The following MFHAS1 variants were observed in gnomAD, a reference collection of about 807,000 sequenced individuals.
The protein encoded by MFHAS1 is malignant fibrous histiocytoma-amplified sequence 1.
In MFHAS1, 50 loss-of-function variants were observed where a neutral mutation model predicts 70.4. That is an observed-to-expected ratio of 0.71 (90% CI 0.57 to 0.90). The LOEUF is 0.90. MFHAS1 is among the 40% of genes least tolerant of loss of function. MFHAS1 has a pLI of 0.00. For synonymous variants in MFHAS1, 952 were observed against 620.0 expected (o/e 1.54, Z -7.96); for missense variants, 1,795 against 1,347.6 (o/e 1.33, Z -5.20).
intron 1 of MFHAS1, among the ~76,000 whole-genome samples, chr8:8,841,815 C>T (rs1253395422): frequency 1.3e-5 from 2 of 152,140 alleles, no homozygotes; most frequent in African/African-American, 4.8e-5. Context: ...TCTTCCTGTT[C>T]GTATCCCAGA....
At chr8:8,889,940 T>C in intron 1 of MFHAS1, 121 bp downstream of exon 1, 4 of 803,110 alleles carry the variant, frequency 5.0e-6, no homozygotes, top group Non-Finnish European at 5.9e-6. Context: ...GTGTTTCCCT[T>C]ACGAAGCTTT....
intron 1 of MFHAS1, among the ~76,000 whole-genome samples, chr8:8,824,312 C>T (rs1205200323): frequency 1.3e-5 from 2 of 152,028 alleles, no homozygotes; most frequent in South Asian, 2.1e-4. Context: ...TTAAGAAATA[C>T]AGGACTGCCT....
At chr8:8,839,742 A>C (rs1448021757) in intron 1 of MFHAS1, among the ~76,000 whole-genome samples, 1 of 152,232 alleles carries the variant, frequency 6.6e-6, no homozygotes, top group African/African-American at 2.4e-5. Flanking sequence ...TATATCAATG[A>C]AACACCATCA....
intron 1 of MFHAS1, among the ~76,000 whole-genome samples, chr8:8,827,905 TC>T (rs1017289075): frequency 1.3e-5 from 2 of 151,856 alleles, no homozygotes; most frequent in African/African-American, 4.9e-5. Context: ...CAATTTAATT[TC>T]TTTTTTTTTA....
intron 1 of MFHAS1, chr8:8,822,200 T>G (rs932402770): frequency 2.0e-5 from 3 of 152,350 alleles, no homozygotes; most frequent in African/African-American, 4.8e-5. Flanking sequence ...CCCTGGGGAT[T>G]TGAAATTGGG....
At chr8:8,850,564 G>A (rs1054870145) in intron 1 of MFHAS1, among the ~76,000 whole-genome samples, 6 of 152,030 alleles carry the variant, frequency 3.9e-5, no homozygotes, top group Non-Finnish European at 7.4e-5. Context: ...ACCCAGGGTC[G>A]GGTGCGGTAG....
chr8:8,790,166 C>T (rs1264219210), intron 2 of MFHAS1, among the ~76,000 whole-genome samples: 1 of 152,126 alleles, frequency 6.6e-6, no homozygotes, highest in Non-Finnish European at 1.5e-5. Context: ...TCCTAATTCC[C>T]ATATGCAACT....
At chr8:8,864,712 T>A (rs1285316526) in intron 1 of MFHAS1, among the ~76,000 whole-genome samples, 1 of 152,198 alleles carries the variant, frequency 6.6e-6, no homozygotes, top group African/African-American at 2.4e-5. Flanking sequence ...TCCAGTTGCA[T>A]GCCAGGATAA....
intron 1 of MFHAS1, among the ~76,000 whole-genome samples, chr8:8,880,403 G>A (rs1809472983): frequency 6.6e-6 from 1 of 152,086 alleles, no homozygotes; most frequent in South Asian, 2.1e-4. Flanking sequence ...TTCATATTAT[G>A]TGACTTTCAC....
intron 1 of MFHAS1, among the ~76,000 whole-genome samples, chr8:8,885,090 G>T (rs1391980528): frequency 6.6e-6 from 1 of 152,040 alleles, no homozygotes; most frequent in African/African-American, 2.4e-5. Context: ...CCTAATCAAA[G>T]ATATATCATG....
intron 1 of MFHAS1, among the ~76,000 whole-genome samples, chr8:8,878,509 GTGA>G (rs1809382360): frequency 6.6e-6 from 1 of 152,118 alleles, no homozygotes; most frequent in African/African-American, 2.4e-5. Context: ...GGAGACTGAT[GTGA>G]TGATTAACAC....
intron 1 of MFHAS1, among the ~76,000 whole-genome samples, chr8:8,844,237 G>A (rs1244463845): frequency 2.6e-5 from 4 of 152,128 alleles, no homozygotes; most frequent in African/African-American, 4.8e-5. Context: ...TCCTTCCATA[G>A]GAGCCCTAAA....
At chr8:8,882,498 G>C (rs140844943) in intron 1 of MFHAS1, among the ~76,000 whole-genome samples, 2 of 152,188 alleles carry the variant, frequency 1.3e-5, no homozygotes, top group African/African-American at 2.4e-5. Context: ...TGTAATCCCA[G>C]CTACTCAGGA....
At chr8:8,840,288 G>C (rs1049929335) in intron 1 of MFHAS1, among the ~76,000 whole-genome samples, 8 of 151,894 alleles carry the variant, frequency 5.3e-5, no homozygotes, top group Non-Finnish European at 1.0e-4. Context: ...AAAACCCTGT[G>C]TCTACTAAAA....
chr8:8,803,418 G>C (rs890059498), intron 1 of MFHAS1, among the ~76,000 whole-genome samples: 1 of 151,662 alleles, frequency 6.6e-6, no homozygotes, highest in Non-Finnish European at 1.5e-5. Context: ...CTGGGAGGCT[G>C]AGGCAGAAGA....
At chr8:8,837,658 A>AG (rs1807648321) in intron 1 of MFHAS1, among the ~76,000 whole-genome samples, 1 of 152,018 alleles carries the variant, frequency 6.6e-6, no homozygotes, top group Non-Finnish European at 1.5e-5. Flanking sequence ...AAAAAAAAAA[A>AG]GAAGAGGAAG....
At chr8:8,809,511 G>T (rs529980045) in intron 1 of MFHAS1, among the ~76,000 whole-genome samples, 2 of 152,106 alleles carry the variant, frequency 1.3e-5, no homozygotes, top group African/African-American at 2.4e-5. Flanking sequence ...AGTCAAAGCC[G>T]CCTCTTCCCG....
chr8:8,848,872 T>C (rs1364907691), intron 1 of MFHAS1, among the ~76,000 whole-genome samples: 3 of 152,182 alleles, frequency 2.0e-5, no homozygotes, highest in Non-Finnish European at 4.4e-5. Context: ...CTGGTGTTTT[T>C]AAAAACTGGT....
intron 1 of MFHAS1, among the ~76,000 whole-genome samples, chr8:8,853,386 T>C (rs1808316483): frequency 6.7e-6 from 1 of 149,914 alleles, no homozygotes; most frequent in Non-Finnish European, 1.5e-5. Context: ...AGGATCTGAC[T>C]CGTAATTACA....
Sources: gnomAD v4.1 joint callset for allele counts (sites outside exome capture counted in the v4.1 genomes callset) on GRCh38, gnomAD v4.1.1 for gene constraint, MANE v1.5 for transcripts, NCBI Gene and HGNC (gene_info 2026-07-23, HGNC 2026-07-21) for gene names.